RAB25: variants seen among roughly 807,000 people sequenced by gnomAD.
RAB25 encodes RAB25, member RAS oncogene family, also known as ras-related protein Rab-25.
In RAB25, 23 loss-of-function variants were observed where a neutral mutation model predicts 25.2. The observed-to-expected ratio is 0.91, with a 90% confidence interval of 0.66 to 1.29. The LOEUF is 1.29. Among genes scored for constraint, RAB25 ranks in the 50% most tolerant of loss-of-function variants. The pLI is 0.00. For missense variants in RAB25, 244 were observed against 277.3 expected (o/e 0.88, Z 0.85); for synonymous variants, 102 against 111.5 (o/e 0.91, Z 0.54).
At chr1:156,061,504 G>A in intron 1 of RAB25, 61 bp downstream of exon 1, 2 of 1,531,334 alleles carry the variant, frequency 1.3e-6, no homozygotes, top group Non-Finnish European at 1.8e-6. Flanking sequence ...ATTGAATAGA[G>A]CCAGAGAGGG....
At chr1:156,069,923 G>A (rs1235336825) in intron 4 of RAB25, 172 bp downstream of exon 4, 1 of 834,654 alleles carries the variant, frequency 1.2e-6, no homozygotes, top group African/African-American at 1.7e-5. Context: ...CACTCAGTCT[G>A]GAGCTCAGGG....
chr1:156,061,347 C>G lies in RAB25; in HGVS notation c.-54C>G. 1 of 1,570,422 alleles carries G rather than the reference C, an allele frequency of 6.4e-7. No homozygotes were observed. The highest frequency in any genetic ancestry group is 8.8e-7 in the Non-Finnish European group (1 of 1,140,756). Reference sequence around the variant, plus strand: ...GGGTTGAGGGCATTGAGCCAACACACAGATTTGTCGCCTCTGTCCCCGAAG... The same window carrying G: ...GGGTTGAGGGCATTGAGCCAACACAGAGATTTGTCGCCTCTGTCCCCGAAG... On this transcript the variant is annotated 5_prime_UTR_variant, in exon 1 of 5. Transcript: ENST00000361084.
At chr1:156,068,749 T>C (rs1437955696) in intron 3 of RAB25, among the ~76,000 whole-genome samples, 1 of 147,414 alleles carries the variant, frequency 6.8e-6, no homozygotes, top group Non-Finnish European at 1.5e-5. Flanking sequence ...AGTGCAGTGG[T>C]GCGATCTCGG....
Position 156,070,308 on chromosome 1 carries a change from C to A in RAB25, c.*21C>A. ...TCTGACCTTGGCCAGCACCACCTGC[C>A]CCCACTGGCTTTTTGGTGCCCCTTG... is the stretch of plus-strand genomic sequence containing the variant. On this transcript the variant is annotated 3_prime_UTR_variant, in exon 5 of 5. Coordinates refer to ENST00000361084, the MANE Select transcript of RAB25 (RefSeq NM_020387.4). The A allele has an allele frequency of 6.2e-7, 1 of 1,609,488 alleles. No individual in the cohort carries two copies. Among genetic ancestry groups the A allele is most frequent in the Non-Finnish European group, 8.5e-7 (1 of 1,176,912 alleles).
At chr1:156,068,237 G>C (rs757598413) in intron 2 of RAB25, 33 bp from the exon 3 acceptor site, 1 of 1,561,002 alleles carries the variant, frequency 6.4e-7, no homozygotes, top group African/African-American at 1.4e-5. Flanking sequence ...GCCTCTGATC[G>C]TATCTCTGTC....
Position 156,061,471 on chromosome 1 carries a change from A to C in RAB25, c.43+28A>C, listed in dbSNP as rs545012100. The C allele has an allele frequency of 6.8e-6, 11 of 1,610,514 alleles. No homozygotes were observed. The South Asian group carries it at 1.1e-4, about 16-fold the overall frequency. ...GAGTTGGGTTCCCTGAAGCAAGAGG[A>C]AGCCTGAGAGACCCAGAAAGAGATT... On this transcript the variant is annotated intron_variant, in intron 1 of 4. Transcript: ENST00000361084.
intron 3 of RAB25, among the ~76,000 whole-genome samples, chr1:156,069,095 T>G (rs1474175988): frequency 6.6e-6 from 1 of 152,172 alleles, no homozygotes; most frequent in Non-Finnish European, 1.5e-5. Context: ...ATATGGTGGT[T>G]AAGGGTGTTC....
intron 1 of RAB25, among the ~76,000 whole-genome samples, chr1:156,062,048 G>A (rs577875324): frequency 1.2e-4 from 19 of 152,278 alleles, no homozygotes; most frequent in Non-Finnish European, 2.2e-4. Flanking sequence ...CCAAAGTGCT[G>A]GGATTACAGG....
At chr1:156,064,159 C>T (rs558498717) in intron 1 of RAB25, among the ~76,000 whole-genome samples, 2 of 152,318 alleles carry the variant, frequency 1.3e-5, no homozygotes, top group South Asian at 2.1e-4. Context: ...CGCATACACA[C>T]ACATCCTCTT....
In RAB25 at chr1:156,065,962, T is replaced by C. The variant is rs941645631; in HGVS notation, c.95T>C (p.Phe32Ser). Reference protein sequence around the residue: ...GVGKTNLLSRFTRNEFSHDSR... With the variant: ...GVGKTNLLSRSTRNEFSHDSR... ...GGGAAGACCAATCTACTCTCCCGAT[T>C]CACGCGCAATGAGTTCAGCCACGAC... The change falls in exon 2 of 5, where the codon TTC becomes TCC. Residue 32 changes from phenylalanine to serine, a missense_variant. Transcript: ENST00000361084. The C allele has an allele frequency of 1.2e-6, 2 of 1,613,588 alleles. No homozygotes were observed. Among genetic ancestry groups the C allele is most frequent in the African/African-American group, 2.7e-5 (2 of 75,008 alleles).
chr1:156,068,561 C>G, intron 3 of RAB25, 98 bp downstream of exon 3: 1 of 1,235,190 alleles, frequency 8.1e-7, no homozygotes, highest in Non-Finnish European at 1.1e-6. Flanking sequence ...AGCCCCTAGC[C>G]TGGCCTTCCT....
Position 156,065,897 on chromosome 1 carries a change from C to T in RAB25, c.44-14C>T, listed in dbSNP as rs1306270523. 2 of 1,578,194 alleles carry T rather than the reference C, an allele frequency of 1.3e-6. No homozygotes were observed. Among genetic ancestry groups the T allele is most frequent in the Non-Finnish European group, 1.7e-6 (2 of 1,156,688 alleles). On this transcript the variant is annotated splice_polypyrimidine_tract_variant and intron_variant, in intron 1 of 4. Coordinates refer to ENST00000361084, the MANE Select transcript of RAB25 (RefSeq NM_020387.4). The stretch of plus-strand genomic sequence containing the variant: ...TCTACCCCATGCTCAGCCCTTATCT[C>T]TCCACTCCTTCAGTGGTGCTGATCG...
chr1:156,062,828 G>A (rs1035471253), intron 1 of RAB25, among the ~76,000 whole-genome samples: 10 of 151,872 alleles, frequency 6.6e-5, no homozygotes, highest in African/African-American at 1.7e-4. Context: ...CCGAGGCGGC[G>A]GGATCACTTA....
At position 156,070,488 on chromosome 1, in the gene RAB25, A is replaced by C; in HGVS notation, c.*201A>C. 7 of 649,666 alleles carry C rather than the reference A, an allele frequency of 1.1e-5. No homozygotes were observed. The highest frequency in any genetic ancestry group is 3.1e-5 in the Admixed American group (1 of 31,950). 40.2% of individuals were successfully genotyped at this position (649,666 alleles called of 1,614,324 possible). On this transcript the variant is annotated 3_prime_UTR_variant, in exon 5 of 5. Coordinates refer to ENST00000361084, the MANE Select transcript of RAB25 (RefSeq NM_020387.4). Reference sequence around the variant, plus strand: ...CCTCACAGACTAGGACCCTCAAATAAAGCTGTTTTATATCAATGCCTGGTC... The same window carrying C: ...CCTCACAGACTAGGACCCTCAAATACAGCTGTTTTATATCAATGCCTGGTC...
chr1:156,067,343 A>G (rs1647773161), intron 2 of RAB25, among the ~76,000 whole-genome samples: 1 of 152,158 alleles, frequency 6.6e-6, no homozygotes, highest in South Asian at 2.1e-4. Flanking sequence ...GCCAGGGGGC[A>G]GGAAGCAAGA....
chr1:156,069,369 C>T (rs1336957354), intron 3 of RAB25, among the ~76,000 whole-genome samples: 2 of 151,872 alleles, frequency 1.3e-5, no homozygotes, highest in Non-Finnish European at 1.5e-5. Context: ...TTAGTGGAGA[C>T]GGGGTTTCAC....
At chr1:156,068,038 C>T (rs1461835626) in intron 2 of RAB25, among the ~76,000 whole-genome samples, 1 of 152,134 alleles carries the variant, frequency 6.6e-6, no homozygotes, top group Non-Finnish European at 1.5e-5. Flanking sequence ...CAGGCGTGAG[C>T]CACCGCGCCT....
In RAB25 at chr1:156,063,639, G is replaced by T. The variant is rs1647656734; in HGVS notation, c.43+2196G>T. On this transcript the variant is annotated intron_variant, in intron 1 of 4. Transcript: ENST00000361084. ...AAAAGGCATGACTTCCAGTGAGGCC[G>T]CTGTCTGCACCAGAGGCAGACGCTG... is the stretch of plus-strand genomic sequence containing the variant. Among the ~76,000 whole-genome samples, 3 of 152,192 alleles carry T rather than the reference G, an allele frequency of 2.0e-5. No homozygotes were observed. The South Asian group carries it at 6.2e-4, about 31-fold the overall frequency.
At chr1:156,068,684 A>ATTTTTTT (rs35522492) in intron 3 of RAB25, among the ~76,000 whole-genome samples, 6 of 98,328 alleles carry the variant, frequency 6.1e-5, no homozygotes, top group Non-Finnish European at 1.0e-4. Context: ...GTCTTTATTG[A>ATTTTTTT]TTTTTTTTTT....
Sources: gnomAD v4.1 joint callset for allele counts (sites outside exome capture counted in the v4.1 genomes callset) on GRCh38, gnomAD v4.1.1 for gene constraint, MANE v1.5 for transcripts, NCBI Gene and HGNC (gene_info 2026-07-23, HGNC 2026-07-21) for gene names.